Variants in NBAS observed in about 807,000 individuals in gnomAD.
NBAS encodes NBAS subunit of NRZ tethering complex, also known as NAG/BC035112 fusion.
In NBAS, 219 loss-of-function variants were observed where a neutral mutation model predicts 302.5. The ratio of observed to expected loss-of-function variants is 0.72; its 90% CI spans 0.65 to 0.81. NBAS has a LOEUF of 0.81. Ranked by LOEUF, NBAS falls within the 30% of genes least tolerant of loss-of-function variation. The pLI is 0.00. For missense variants in NBAS, 2,932 were observed against 2,841.6 expected (o/e 1.03, Z -0.72); for synonymous variants, 1,118 against 1,021.6 (o/e 1.09, Z -1.80).
chr2:15,100,219 G>C, the NBAS span, among the ~76,000 whole-genome samples: 29 of 152,222 alleles, frequency 1.9e-4, no homozygotes, highest in African/African-American at 7.0e-4. Context: ...TTTCATGTGA[G>C]CCATGAAAGA....
chr2:14,900,022 A>C, the NBAS span, among the ~76,000 whole-genome samples: 1 of 152,006 alleles, frequency 6.6e-6, no homozygotes, highest in Non-Finnish European at 1.5e-5. Context: ...ATAAAAGGGG[A>C]GGGGGAGATA....
chr2:15,018,156 G>A, the NBAS span, among the ~76,000 whole-genome samples: 1 of 151,952 alleles, frequency 6.6e-6, no homozygotes. Flanking sequence ...GGGAAGAGGA[G>A]GATAGGGAGA....
intron 21 of NBAS, among the ~76,000 whole-genome samples, chr2:15,455,207 C>T (rs143630853): frequency 1.4e-3 from 218 of 152,196 alleles, no homozygotes; most frequent in African/African-American, 4.8e-3. Flanking sequence ...CCGGCCGATG[C>T]TATAATTTTT....
At chr2:15,453,447 A>G (rs967608237) in intron 21 of NBAS, among the ~76,000 whole-genome samples, 2 of 152,206 alleles carry the variant, frequency 1.3e-5, no homozygotes, top group Admixed American at 1.3e-4. Flanking sequence ...ATATACTGAC[A>G]TAAGATTAAA....
At chr2:15,357,512 G>C (rs1157621984) in intron 32 of NBAS, among the ~76,000 whole-genome samples, 1 of 152,124 alleles carries the variant, frequency 6.6e-6, no homozygotes, top group Non-Finnish European at 1.5e-5. Context: ...CTATAGTGCA[G>C]AGTCTCGCTT....
At chr2:14,993,096 A>T in the NBAS span, among the ~76,000 whole-genome samples, 408 of 152,258 alleles carry the variant, frequency 2.7e-3, 1 homozygote, top group Middle Eastern at 0.014. Flanking sequence ...GAAGGGAGTG[A>T]CCATTTATTG....
chr2:15,128,911 G>C, the NBAS span, among the ~76,000 whole-genome samples: 45 of 152,300 alleles, frequency 3.0e-4, no homozygotes, highest in Middle Eastern at 3.4e-3. Flanking sequence ...CCAGGGCGTG[G>C]GCTTTGGAGT....
At chr2:15,529,484 C>T (rs962001377) in intron 9 of NBAS, among the ~76,000 whole-genome samples, 4 of 151,494 alleles carry the variant, frequency 2.6e-5, no homozygotes, top group African/African-American at 9.7e-5. Flanking sequence ...AGAGTGAGAC[C>T]CTCTCTCAAA....
At chr2:15,306,075 C>G (rs1172402415) in intron 40 of NBAS, among the ~76,000 whole-genome samples, 2 of 152,206 alleles carry the variant, frequency 1.3e-5, no homozygotes, top group Non-Finnish European at 2.9e-5. Context: ...TTATTTGGCA[C>G]TTGTGTACAC....
At chr2:15,198,921 T>C (rs1374480021) in intron 48 of NBAS, among the ~76,000 whole-genome samples, 3 of 151,994 alleles carry the variant, frequency 2.0e-5, no homozygotes, top group Non-Finnish European at 4.4e-5. Flanking sequence ...GGTCCGGAGA[T>C]TGAGACCATC....
chr2:15,218,090 G>T (rs1666731404), intron 48 of NBAS, among the ~76,000 whole-genome samples: 1 of 152,018 alleles, frequency 6.6e-6, no homozygotes, highest in Admixed American at 6.5e-5. Flanking sequence ...TTTAGTACCT[G>T]GGCAGAGCAC....
chr2:15,034,930 G>C, the NBAS span, among the ~76,000 whole-genome samples: 1 of 152,074 alleles, frequency 6.6e-6, no homozygotes, highest in Non-Finnish European at 1.5e-5. Context: ...AGAGAGGGTT[G>C]TTAGCAAAAA....
the NBAS span, among the ~76,000 whole-genome samples, chr2:14,885,856 C>A: frequency 2.0e-5 from 3 of 152,210 alleles, no homozygotes; most frequent in South Asian, 2.1e-4. Flanking sequence ...AACAAAGGTG[C>A]GCCTGTTAGA....
intron 40 of NBAS, among the ~76,000 whole-genome samples, chr2:15,303,894 A>G (rs1670917357): frequency 6.6e-6 from 1 of 152,182 alleles, no homozygotes; most frequent in African/African-American, 2.4e-5. Flanking sequence ...TCAGTTCTCT[A>G]CTTTGCTGCC....
chr2:14,871,295 A>G, the NBAS span, among the ~76,000 whole-genome samples: 1 of 152,122 alleles, frequency 6.6e-6, no homozygotes, highest in African/African-American at 2.4e-5. Context: ...TATAGAACAA[A>G]GAAACTTACA....
At chr2:14,905,011 C>T in the NBAS span, among the ~76,000 whole-genome samples, 1 of 152,176 alleles carries the variant, frequency 6.6e-6, no homozygotes, top group South Asian at 2.1e-4. Context: ...CGCACCACCG[C>T]ACTCCAGCCT....
At chr2:15,143,302 G>A in the NBAS span, among the ~76,000 whole-genome samples, 1 of 152,154 alleles carries the variant, frequency 6.6e-6, no homozygotes, top group East Asian at 1.9e-4. Context: ...GCAAGTCCGC[G>A]TCTGCAGAGC....
chr2:15,533,499 T>C (rs1026719097), intron 9 of NBAS, among the ~76,000 whole-genome samples: 1 of 152,210 alleles, frequency 6.6e-6, no homozygotes, highest in Non-Finnish European at 1.5e-5. Flanking sequence ...AAGTGAGACT[T>C]GTATGTCTTC....
At chr2:15,229,508 G>A (rs1342295587) in intron 47 of NBAS, among the ~76,000 whole-genome samples, 2 of 151,996 alleles carry the variant, frequency 1.3e-5, no homozygotes, top group African/African-American at 2.4e-5. Context: ...TGGGCCTGGC[G>A]CAGTGGCTCA....
Sources: gnomAD v4.1 joint callset for allele counts (sites outside exome capture counted in the v4.1 genomes callset) on GRCh38, gnomAD v4.1.1 for gene constraint, MANE v1.5 for transcripts, NCBI Gene and HGNC (gene_info 2026-07-23, HGNC 2026-07-21) for gene names.